The following NID1 variants were observed in gnomAD, a reference collection of about 807,000 sequenced individuals.
NID1 encodes nidogen 1.
In NID1, 76 loss-of-function variants were observed where a neutral mutation model predicts 130.6. The observed-to-expected ratio is 0.58, with a 90% CI of 0.48 to 0.70. NID1 has a LOEUF of 0.70. Among genes scored for constraint, NID1 ranks in the 30% least tolerant of loss-of-function variants. The pLI, the probability that NID1 is intolerant of heterozygous loss-of-function variation, is 0.00. For synonymous variants in NID1, 665 were observed against 675.1 expected (o/e 0.98, Z 0.23); for missense variants, 1,517 against 1,664.8 (o/e 0.91, Z 1.54).
chr1:236,024,238 C>A (rs1446344324), intron 8 of NID1, 25 bp from the exon 9 acceptor site: 1 of 1,612,976 alleles, frequency 6.2e-7, no homozygotes, highest in Non-Finnish European at 8.5e-7. Flanking sequence ...ACATTGGAAC[C>A]AAGTGAGTCT....
At position 236,013,488 on chromosome 1, in the gene NID1, T is replaced by C. The variant is rs1171344236; in HGVS notation, c.2327A>G (p.Gln776Arg). The change falls in exon 11 of 20, where the codon CAG (glutamine) becomes CGG (arginine). Residue 776 changes from glutamine to arginine, a missense_variant. By Grantham distance (43) the Gln-to-Arg change is conservative. Around this residue, in one of 3 missense-constraint regions of NID1, gnomAD observed 1,329 missense variants for 1,429.2 expected, o/e 0.93. Coordinates refer to ENST00000264187, the MANE Select transcript of NID1 (RefSeq NM_002508.3). Reference sequence around the variant, plus strand: ...GGAGGAGCCTCCTGTGTAGATACACTGGGCCCGCTGGGGTATGTCGCAGTT... The same window carrying C: ...GGAGGAGCCTCCTGTGTAGATACACCGGGCCCGCTGGGGTATGTCGCAGTT... ...LHNCDIPQRA[Q>R]CIYTGGSSYT... 4 of 1,613,112 alleles carry C rather than the reference T, an allele frequency of 2.5e-6. No homozygotes were observed. Among genetic ancestry groups the C allele is most frequent in the African/African-American group, 2.7e-5 (2 of 74,684 alleles).
chr1:236,032,178 G>A (rs1223145244), intron 6 of NID1, among the ~76,000 whole-genome samples: 1 of 152,106 alleles, frequency 6.6e-6, no homozygotes, highest in Non-Finnish European at 1.5e-5. Context: ...CCAATTCTAG[G>A]CAGTCTCAGT....
chr1:236,031,507 C>T (rs1042861881), intron 6 of NID1, among the ~76,000 whole-genome samples: 7 of 152,218 alleles, frequency 4.6e-5, no homozygotes, highest in African/African-American at 1.4e-4. Flanking sequence ...GGGTTACCAG[C>T]GTGCAGCCTG....
intron 2 of NID1, among the ~76,000 whole-genome samples, chr1:236,046,245 C>T (rs1659598206): frequency 6.6e-6 from 1 of 152,186 alleles, no homozygotes; most frequent in South Asian, 2.1e-4. Context: ...AAACCACCTC[C>T]TTCACAGAAA....
Position 236,032,490 on chromosome 1 carries a change from G to A in NID1, c.1448C>T (p.Ser483Phe), listed in dbSNP as rs756922591. 3 of 1,614,218 alleles carry A rather than the reference G, an allele frequency of 1.9e-6. No individual in the cohort carries two copies. The highest frequency in any genetic ancestry group is 2.5e-6 in the Non-Finnish European group (3 of 1,180,042). ...TCCAACTGGGGCCAGTGGAAGCAGAGAATATCCAACGGTCTCGGGAATGGT... is the reference window on the plus strand; with the variant it reads ...TCCAACTGGGGCCAGTGGAAGCAGAAAATATCCAACGGTCTCGGGAATGGT... ...ISTIPETVGY[S>F]LLPLAPVGGI... Residue 483 changes from serine (S) to phenylalanine (F), a missense_variant, in exon 6 of 20, where the codon TCT (serine) becomes TTT (phenylalanine). By Grantham distance (155) the Ser-to-Phe change is radical. Around this residue, in one of 3 missense-constraint regions of NID1, gnomAD observed 1,329 missense variants for 1,429.2 expected, o/e 0.93. Coordinates refer to ENST00000264187, the MANE Select transcript of NID1 (RefSeq NM_002508.3).
intron 2 of NID1, among the ~76,000 whole-genome samples, chr1:236,047,764 C>G (rs1383560699): frequency 2.0e-5 from 3 of 152,120 alleles, no homozygotes; most frequent in Admixed American, 6.5e-5. Flanking sequence ...CGGTGGCACA[C>G]ACCTGTAATC....
chr1:236,044,296 T>C (rs1232440027), intron 3 of NID1, among the ~76,000 whole-genome samples: 2 of 152,202 alleles, frequency 1.3e-5, no homozygotes, highest in East Asian at 1.9e-4. Context: ...TCTAAACAAT[T>C]AAATTACATG....
chr1:236,004,711 G>A (rs1398862653), intron 12 of NID1, among the ~76,000 whole-genome samples: 10 of 138,944 alleles, frequency 7.2e-5, no homozygotes, highest in Admixed American at 7.9e-5. Flanking sequence ...GCAGTGAGCC[G>A]AGATCATGCC....
chr1:236,028,415 G>T (rs1191461224), intron 7 of NID1, among the ~76,000 whole-genome samples: 1 of 152,114 alleles, frequency 6.6e-6, no homozygotes, highest in Non-Finnish European at 1.5e-5. Flanking sequence ...GGCTGAGGTG[G>T]GAGGCTCACT....
rs1658857271 is a variant in NID1 at position 236,024,181 on chromosome 1, A to G, written c.2017T>C (p.Tyr673His). The G allele has an allele frequency of 8.7e-6, 14 of 1,614,154 alleles. No homozygotes were observed. The highest frequency in any genetic ancestry group is 2.7e-5 in the African/African-American group (2 of 74,954). Reference protein sequence around the residue: ...GSPDALQNPCYIGTHGCDTNA... With the variant: ...GSPDALQNPCHIGTHGCDTNA... ...GTGTCACACCCATGAGTGCCGATGT[A>G]GCAGGGATTCTGAAGAGCATCAGGG... Residue 673 changes from tyrosine to histidine, a missense_variant, in exon 9 of 20, where the codon TAC becomes CAC. Around this residue, in one of 3 missense-constraint regions of NID1, gnomAD observed 1,329 missense variants for 1,429.2 expected, o/e 0.93. Coordinates refer to ENST00000264187, the MANE Select transcript of NID1 (RefSeq NM_002508.3).
chr1:236,064,200 A>G (rs2102856588), intron 1 of NID1, among the ~76,000 whole-genome samples: 1 of 152,292 alleles, frequency 6.6e-6, no homozygotes, highest in East Asian at 1.9e-4. Context: ...AGGGAGCTGT[A>G]GGTCATCTGG....
intron 1 of NID1, among the ~76,000 whole-genome samples, chr1:236,056,908 AC>A (rs201829628): frequency 0.031 from 4,712 of 149,876 alleles, 238 homozygotes; most frequent in African/African-American, 0.11. Flanking sequence ...AAAAACAAAA[AC>A]ATGAAGCGTA....
chr1:236,011,584 A>G (rs1658424107), intron 12 of NID1, among the ~76,000 whole-genome samples: 1 of 152,088 alleles, frequency 6.6e-6, no homozygotes, highest in Admixed American at 6.6e-5. Flanking sequence ...ATTATAGGCA[A>G]TGTTCCCACC....
chr1:236,022,093 A>G (rs1036337993), intron 9 of NID1, among the ~76,000 whole-genome samples: 2 of 151,650 alleles, frequency 1.3e-5, no homozygotes, highest in Non-Finnish European at 2.9e-5. Context: ...AACATGGAAA[A>G]ACCCCATCTC....
At position 236,026,022 on chromosome 1, in the gene NID1, G is replaced by C; in HGVS notation, c.1858C>G (p.His620Asp). The part of the protein sequence containing the change: ...RQTITFQECV[H>D]DDSRPALPST... ...GGCAGGGCTGGCCGGGAGTCATCGT[G>C]GACGCATTCCTGGAAGGTGATGGTC... Residue 620 changes from histidine (H) to aspartate (D), a missense_variant, in exon 8 of 20, where the codon CAC (histidine) becomes GAC (aspartate). Physicochemically the swap from His to Asp is moderately conservative, Grantham distance 81. This residue lies in a region of NID1 where 1,329 missense variants were observed against 1,429.2 expected (regional missense o/e 0.93). Coordinates refer to ENST00000264187, the MANE Select transcript of NID1 (RefSeq NM_002508.3). 1.9e-6 allele frequency: 3 copies of C among 1,613,544 alleles called. No individual in the cohort carries two copies. The highest frequency in any genetic ancestry group is 2.5e-6 in the Non-Finnish European group (3 of 1,179,962).
chr1:236,025,303 C>T (rs1472203456), intron 8 of NID1, among the ~76,000 whole-genome samples: 1 of 149,518 alleles, frequency 6.7e-6, no homozygotes, highest in Non-Finnish European at 1.5e-5. Context: ...ACTCTGTCGC[C>T]CAGGCTGGAG....
At position 235,990,888 on chromosome 1, in the gene NID1, G is replaced by T; in HGVS notation, c.2926C>A (p.Pro976Thr). 6.2e-7 allele frequency: 1 copy of T among 1,614,082 alleles called. No homozygotes were observed. The highest frequency in any genetic ancestry group is 8.5e-7 in the Non-Finnish European group (1 of 1,180,006). ...KTEAKAFLHV[P>T]AKVIIGLAFD... ...AGGTATAATCAGCCAGCACTCACCG[G>T]GACATGAAGGAACGCCTTTGCTTCT... Residue 976 changes from proline to threonine, a missense_variant and splice_region_variant, in exon 14 of 20, where the codon CCG (proline) becomes ACG (threonine). Transcript: ENST00000264187.
At chr1:236,041,881 G>A (rs376738295) in intron 4 of NID1, 29 bp downstream of exon 4, 61 of 1,578,660 alleles carry the variant, frequency 3.9e-5, no homozygotes, top group Middle Eastern at 1.7e-4. Flanking sequence ...ATCCAAGATC[G>A]TTACCAACTG....
intron 8 of NID1, among the ~76,000 whole-genome samples, chr1:236,024,732 C>T (rs1163734568): frequency 6.6e-6 from 1 of 152,144 alleles, no homozygotes; most frequent in East Asian, 1.9e-4. Context: ...AGACCAGACT[C>T]CAATTACACA....
Sources: gnomAD v4.1 joint callset for allele counts (sites outside exome capture counted in the v4.1 genomes callset) on GRCh38, gnomAD v4.1.1 for gene constraint, gnomAD v4.1.1 regional missense constraint, MANE v1.5 for transcripts, NCBI Gene and HGNC (gene_info 2026-07-23, HGNC 2026-07-21) for gene names.